Variants in PLAAT3 observed in about 807,000 individuals in gnomAD.
PLAAT3 encodes Ca-independent phospholipase A1/2.
PLAAT3 carries 21 observed loss-of-function variants against 16.7 expected under a neutral mutation model. The ratio of observed to expected loss-of-function variants is 1.26; its 90% confidence interval spans 0.89 to 1.81. The LOEUF (loss-of-function observed/expected upper bound fraction) is 1.81, where lower values mean the gene tolerates loss of function less well. Among genes scored for constraint, PLAAT3 ranks in the 40% most tolerant of loss-of-function variants. The pLI is 0.00. For synonymous variants in PLAAT3, 76 were observed against 81.7 expected, an observed-to-expected ratio of 0.93 and a Z score of 0.38; for missense variants, 219 against 213.7, an observed-to-expected ratio of 1.02 and a Z score of -0.16.
intron 4 of PLAAT3, among the ~76,000 whole-genome samples, chr11:63,589,348 A>G (rs1938072436): frequency 6.6e-6 from 1 of 151,258 alleles, no homozygotes; most frequent in African/African-American, 2.4e-5. Context: ...ACTGAAAAAA[A>G]TATGTATTCT....
intron 2 of PLAAT3, among the ~76,000 whole-genome samples, chr11:63,604,474 T>C (rs1184979539): frequency 1.3e-5 from 2 of 151,996 alleles, no homozygotes; most frequent in African/African-American, 4.8e-5. Flanking sequence ...TTTTTAATTA[T>C]ATTCTAGGCC....
At chr11:63,593,508 G>C (rs577571721) in intron 3 of PLAAT3, among the ~76,000 whole-genome samples, 77 of 152,310 alleles carry the variant, frequency 5.1e-4, no homozygotes, top group African/African-American at 1.6e-3. Flanking sequence ...TCACAGACCA[G>C]GCCAGACCAG....
At chr11:63,581,925 A>G (rs1047914184) in intron 4 of PLAAT3, among the ~76,000 whole-genome samples, 4 of 152,242 alleles carry the variant, frequency 2.6e-5, no homozygotes, top group African/African-American at 9.6e-5. Flanking sequence ...AAAAGGCAAG[A>G]AAATTGATTT....
rs1215549313 is a variant in PLAAT3 at position 63,614,039 on chromosome 11, A to C, written c.-25T>G. On this transcript the variant is annotated 5_prime_UTR_variant, in exon 2 of 5. Coordinates refer to ENST00000415826, the MANE Select transcript of PLAAT3 (RefSeq NM_001128203.2). ...TCTTCCCTCGCGGTGTGGACCCTCA[A>C]GGCCAGGCTCGATTTCGCTGCGTAG... The C allele has an allele frequency of 6.2e-7, 1 of 1,613,586 alleles. No homozygotes were observed. Among genetic ancestry groups the C allele is most frequent in the Non-Finnish European group, 8.5e-7 (1 of 1,179,690 alleles).
At chr11:63,582,024 T>C (rs759344508) in intron 4 of PLAAT3, among the ~76,000 whole-genome samples, 1 of 152,222 alleles carries the variant, frequency 6.6e-6, no homozygotes, top group East Asian at 1.9e-4. Context: ...GAACTGTTGA[T>C]AATAAATTGT....
At chr11:63,587,781 C>T (rs1938022795) in intron 4 of PLAAT3, among the ~76,000 whole-genome samples, 1 of 151,956 alleles carries the variant, frequency 6.6e-6, no homozygotes, top group Non-Finnish European at 1.5e-5. Context: ...TCTACCAAAA[C>T]AAGGGCATAA....
intron 2 of PLAAT3, among the ~76,000 whole-genome samples, chr11:63,600,224 C>T (rs954306454): frequency 7.9e-5 from 12 of 152,210 alleles, no homozygotes; most frequent in African/African-American, 2.9e-4. Context: ...CTCAAGGGAA[C>T]CTCCCACTTC....
chr11:63,611,257 C>CCA (rs1565258034), intron 2 of PLAAT3, among the ~76,000 whole-genome samples: 1 of 152,070 alleles, frequency 6.6e-6, no homozygotes, highest in Non-Finnish European at 1.5e-5. Context: ...CAGACATGAA[C>CCA]CACACGTCTG....
intron 3 of PLAAT3, among the ~76,000 whole-genome samples, chr11:63,592,795 C>T (rs1461583300): frequency 6.6e-6 from 1 of 152,200 alleles, no homozygotes; most frequent in East Asian, 1.9e-4. Context: ...AGAAAACATG[C>T]TTTCACCAGT....
upstream of PLAAT3, among the ~76,000 whole-genome samples, chr11:63,615,680 T>G (rs1270187547): frequency 6.6e-6 from 1 of 151,686 alleles, no homozygotes; most frequent in Non-Finnish European, 1.5e-5. Context: ...TTTTTTGTTT[T>G]TTTTTTTTTG....
At chr11:63,604,473 A>G (rs1938507773) in intron 2 of PLAAT3, among the ~76,000 whole-genome samples, 1 of 151,978 alleles carries the variant, frequency 6.6e-6, no homozygotes, top group Non-Finnish European at 1.5e-5. Context: ...CTTTTTAATT[A>G]TATTCTAGGC....
chr11:63,614,601 G>C (rs12277033), upstream of PLAAT3: 2,357 of 154,090 alleles, frequency 0.015, 64 homozygotes, highest in African/African-American at 0.054. Flanking sequence ...TGCGCGCCCA[G>C]CATCCAGGAG....
chr11:63,583,672 T>C (rs185099529), intron 4 of PLAAT3, among the ~76,000 whole-genome samples: 122 of 152,326 alleles, frequency 8.0e-4, no homozygotes, highest in African/African-American at 2.7e-3. Context: ...CCAGCTGCTG[T>C]GTTGTTATTA....
intron 4 of PLAAT3, among the ~76,000 whole-genome samples, chr11:63,576,662 A>G (rs980069458): frequency 2.0e-5 from 3 of 152,238 alleles, no homozygotes; most frequent in Admixed American, 2.0e-4. Context: ...GATCTCAACA[A>G]TACAATGATT....
At chr11:63,615,898 C>A (rs1938861792), upstream of PLAAT3, among the ~76,000 whole-genome samples, 1 of 151,574 alleles carries the variant, frequency 6.6e-6, no homozygotes, top group South Asian at 2.1e-4. Context: ...GAACTCCTGG[C>A]CCCAAATGAC....
At chr11:63,614,213 C>G (rs1341463590) in intron 1 of PLAAT3, 145 bp from the exon 2 acceptor site, 9 of 662,956 alleles carry the variant, frequency 1.4e-5, no homozygotes, top group Non-Finnish European at 2.5e-6. Flanking sequence ...TAACAACTTT[C>G]TCGCCGGGGC....
intron 2 of PLAAT3, chr11:63,598,819 C>T (rs1938355759): frequency 2.2e-6 from 1 of 457,516 alleles, no homozygotes; most frequent in South Asian, 1.6e-5. Flanking sequence ...TGTCCCCCGG[C>T]TGCTCAGCCT....
rs576368056 is a variant in PLAAT3 at position 63,577,701 on chromosome 11, G to A, written c.388-2655C>T. On this transcript the variant is annotated intron_variant, in intron 4 of 4. Transcript: ENST00000415826. ...CAGCATATTGCATCCAAAAGGAAAC[G>A]TCCTTTTAAAAACTATCATTAGATC... Among the ~76,000 whole-genome samples, 11 of 152,208 alleles carry A rather than the reference G, an allele frequency of 7.2e-5. No homozygotes were observed. In the South Asian group the frequency reaches 1.5e-3, roughly 20 times the overall value.
intron 4 of PLAAT3, among the ~76,000 whole-genome samples, chr11:63,579,797 C>T (rs1937746460): frequency 6.9e-6 from 1 of 145,806 alleles, no homozygotes; most frequent in Admixed American, 7.0e-5. Flanking sequence ...GGGTGCAGCA[C>T]ACCAACATGG....
Sources: allele counts gnomAD v4.1 joint callset (sites outside exome capture counted in the v4.1 genomes callset), GRCh38; gene constraint gnomAD v4.1.1; transcripts MANE v1.5; gene names NCBI Gene and HGNC (gene_info 2026-07-23, HGNC 2026-07-21).